LRP1B: variants seen among roughly 807,000 people sequenced by gnomAD.
LRP1B encodes the protein LDL receptor related protein 1B, also known as low-density lipoprotein receptor-related protein 1B.
A neutral mutation model predicts 556.6 loss-of-function variants in LRP1B; 217 were observed. The ratio of observed to expected loss-of-function variants is 0.39; its 90% confidence interval spans 0.35 to 0.44. The LOEUF (loss-of-function observed/expected upper bound fraction) is 0.44, where lower values mean the gene tolerates loss of function less well. Ranked by LOEUF, LRP1B falls within the 20% of genes least tolerant of loss-of-function variation. The pLI, the probability that LRP1B is intolerant of heterozygous loss-of-function variation, is 1.00. For missense variants in LRP1B, 5,053 were observed against 5,620.8 expected (o/e 0.90, Z 3.23); for synonymous variants, 2,047 against 1,865.8 (o/e 1.10, Z -2.50).
At chr2:142,040,705 A>G (rs1039673133) in intron 1 of LRP1B, among the ~76,000 whole-genome samples, 1 of 151,148 alleles carries the variant, frequency 6.6e-6, no homozygotes, top group African/African-American at 2.4e-5. Flanking sequence ...TTTATTAAAT[A>G]GCCTTTGTCT....
chr2:141,664,132 TA>T (rs1348319223), intron 2 of LRP1B, among the ~76,000 whole-genome samples: 1 of 152,130 alleles, frequency 6.6e-6, no homozygotes, highest in Non-Finnish European at 1.5e-5. Context: ...AACTCAAGAC[TA>T]AAACCACGTA....
intron 35 of LRP1B, among the ~76,000 whole-genome samples, chr2:140,723,119 T>G (rs1045372220): frequency 7.2e-5 from 11 of 151,974 alleles, no homozygotes; most frequent in Non-Finnish European, 1.5e-5. Flanking sequence ...ATGCTAAGAG[T>G]GTTTGAGAGA....
chr2:140,617,819 T>C (rs66671008), intron 41 of LRP1B, among the ~76,000 whole-genome samples: 2,148 of 152,122 alleles, frequency 0.014, 23 homozygotes, highest in Non-Finnish European at 0.022. Context: ...ACTAACCATC[T>C]GGTCCTCCAA....
chr2:141,539,885 A>G lies in LRP1B; in HGVS notation c.206-59352T>C, dbSNP rs76310879. 8.9e-3 allele frequency among the ~76,000 whole-genome samples: 1,354 copies of G among 152,264 alleles called. 14 individuals carry two copies. The highest frequency in any genetic ancestry group is 0.031 in the African/African-American group (1,293 of 41,574). On this transcript the variant is annotated intron_variant, in intron 2 of 90. Coordinates refer to ENST00000389484, the MANE Select transcript of LRP1B (RefSeq NM_018557.3). ...TTAAAAATGTAAGAGCATGGGACCTACAAAAGTAAGCCACAGGCCAAATTT... is the reference window on the plus strand; with the variant it reads ...TTAAAAATGTAAGAGCATGGGACCTGCAAAAGTAAGCCACAGGCCAAATTT...
At chr2:140,517,832 T>C (rs1689982466) in intron 49 of LRP1B, among the ~76,000 whole-genome samples, 1 of 150,706 alleles carries the variant, frequency 6.6e-6, no homozygotes, top group African/African-American at 2.4e-5. Context: ...TGCCTCAGAC[T>C]CCTGAATAGC....
chr2:141,379,225 A>G (rs111497291), intron 3 of LRP1B, among the ~76,000 whole-genome samples: 1,676 of 152,294 alleles, frequency 0.011, 35 homozygotes, highest in African/African-American at 0.038. Context: ...TTAAAGTGCT[A>G]AAATTTAAAA....
chr2:141,491,311 A>C (rs4375803), intron 2 of LRP1B, among the ~76,000 whole-genome samples: 139,272 of 152,184 alleles, frequency 0.92, 64,154 homozygotes, highest in East Asian at 1. Context: ...TTCCAGTCAT[A>C]ATTTAAAATT....
intron 33 of LRP1B, among the ~76,000 whole-genome samples, chr2:140,772,863 T>C (rs540552168): frequency 6.6e-6 from 1 of 152,138 alleles, no homozygotes; most frequent in East Asian, 1.9e-4. Context: ...CTCAGCATTT[T>C]GGGAGGTGAA....
At chr2:140,503,643 T>C (rs1049927024) in intron 53 of LRP1B, among the ~76,000 whole-genome samples, 4 of 152,124 alleles carry the variant, frequency 2.6e-5, no homozygotes, top group African/African-American at 7.2e-5. Context: ...ATCTTGATTC[T>C]TAGAGTCACT....
intron 2 of LRP1B, among the ~76,000 whole-genome samples, chr2:141,641,594 C>A (rs1558774158): frequency 1.3e-5 from 2 of 152,090 alleles, no homozygotes; most frequent in Non-Finnish European, 2.9e-5. Flanking sequence ...ACTCTAGCAA[C>A]CAATAGCAGT....
chr2:140,366,458 C>G (rs1359100693), intron 71 of LRP1B, among the ~76,000 whole-genome samples: 1 of 151,580 alleles, frequency 6.6e-6, no homozygotes, highest in Non-Finnish European at 1.5e-5. Context: ...ATAAATATGT[C>G]TGAAATATAG....
chr2:140,919,562 T>C (rs7576000), intron 21 of LRP1B, among the ~76,000 whole-genome samples: 29,494 of 152,010 alleles, frequency 0.19, 3,639 homozygotes, highest in East Asian at 0.4. Flanking sequence ...CCCAGCTTCA[T>C]GTGGGACAGC....
In LRP1B at chr2:141,945,685, C is replaced by T. The variant is rs572367584; in HGVS notation, c.83-135284G>A. ...CAGTTTTACTCATTACTAAACAAAT[C>T]ATCTTAAATGCAATTATTAGATTTT... On this transcript the variant is annotated intron_variant, in intron 1 of 90. Coordinates refer to ENST00000389484, the MANE Select transcript of LRP1B (RefSeq NM_018557.3). 4.6e-5 allele frequency among the ~76,000 whole-genome samples: 7 copies of T among 152,018 alleles called. No homozygotes were observed. The East Asian group carries it at 9.7e-4, about 21-fold the overall frequency.
chr2:140,526,071 G>A, intron 48 of LRP1B, 78 bp from the exon 49 acceptor site: 1 of 1,478,180 alleles, frequency 6.8e-7, no homozygotes, highest in Non-Finnish European at 9.3e-7. Flanking sequence ...TCATAGAGAT[G>A]AGAAAAGTTA....
intron 1 of LRP1B, among the ~76,000 whole-genome samples, chr2:141,815,639 A>T (rs1007629574): frequency 1.3e-5 from 2 of 151,694 alleles, no homozygotes; most frequent in East Asian, 1.9e-4. Flanking sequence ...AGGGAGGATT[A>T]AAAAAAGGGC....
At chr2:141,346,923 A>G (rs1688274004) in intron 3 of LRP1B, among the ~76,000 whole-genome samples, 1 of 152,056 alleles carries the variant, frequency 6.6e-6, no homozygotes, top group Admixed American at 6.6e-5. Flanking sequence ...TTGTGGTTTT[A>G]CTTCTTGAAA....
At chr2:141,520,494 C>A (rs1480544776) in intron 2 of LRP1B, among the ~76,000 whole-genome samples, 1 of 151,160 alleles carries the variant, frequency 6.6e-6, no homozygotes, top group Non-Finnish European at 1.5e-5. Flanking sequence ...CCTTTATATT[C>A]ATTCTCCATT....
chr2:140,235,448 T>A (rs1167966224), intron 89 of LRP1B, among the ~76,000 whole-genome samples: 1 of 151,220 alleles, frequency 6.6e-6, no homozygotes. Context: ...AAAATTCATA[T>A]GATTATTAAG....
At chr2:141,740,978 G>A (rs1182288260) in intron 2 of LRP1B, among the ~76,000 whole-genome samples, 1 of 151,972 alleles carries the variant, frequency 6.6e-6, no homozygotes, top group African/African-American at 2.4e-5. Flanking sequence ...GAGTTCAATT[G>A]TTAAAATGTT....
Sources: gnomAD v4.1 joint callset for allele counts (sites outside exome capture counted in the v4.1 genomes callset) on GRCh38, gnomAD v4.1.1 for gene constraint, MANE v1.5 for transcripts, NCBI Gene and HGNC (gene_info 2026-07-23, HGNC 2026-07-21) for gene names.